RAPH1: variants seen among roughly 807,000 people sequenced by gnomAD.
RAPH1 encodes Ras association (RalGDS/AF-6) and pleckstrin homology domains 1, also known as ras-associated and pleckstrin homology domains-containing protein 1.
In RAPH1, 18 loss-of-function variants were observed where a neutral mutation model predicts 88.1. The ratio of observed to expected loss-of-function variants is 0.20; its 90% CI spans 0.14 to 0.30. The LOEUF (loss-of-function observed/expected upper bound fraction) is 0.30, where lower values mean the gene tolerates loss of function less well. Ranked by LOEUF, RAPH1 falls within the 10% of genes least tolerant of loss-of-function variation. RAPH1 has a pLI of 1.00. For synonymous variants in RAPH1, 587 were observed against 559.0 expected (o/e 1.05, Z -0.71); for missense variants, 1,448 against 1,543.2 (o/e 0.94, Z 1.03).
chr2:203,493,269 G>T (rs770073871), intron 2 of RAPH1, among the ~76,000 whole-genome samples: 4 of 152,144 alleles, frequency 2.6e-5, no homozygotes, highest in Non-Finnish European at 5.9e-5. Flanking sequence ...AAAGTACAAG[G>T]TATCAAACCA....
At chr2:203,491,919 G>A (rs1197448169) in intron 2 of RAPH1, among the ~76,000 whole-genome samples, 1 of 152,192 alleles carries the variant, frequency 6.6e-6, no homozygotes. Context: ...TATAAAATAA[G>A]TGAGGTAAGT....
intron 1 of RAPH1, among the ~76,000 whole-genome samples, chr2:203,524,883 A>C (rs1266916039): frequency 6.6e-6 from 1 of 152,218 alleles, no homozygotes; most frequent in African/African-American, 2.4e-5. Context: ...AGGCAATAAA[A>C]AATTTTTTAA....
chr2:203,467,626 C>T (rs1452634395), intron 4 of RAPH1, among the ~76,000 whole-genome samples: 4 of 151,826 alleles, frequency 2.6e-5, no homozygotes, highest in South Asian at 2.1e-4. Context: ...TTTAAAAATT[C>T]GCTATATACA....
At chr2:203,502,467 T>C (rs1206456178) in intron 1 of RAPH1, among the ~76,000 whole-genome samples, 2 of 152,152 alleles carry the variant, frequency 1.3e-5, no homozygotes, top group African/African-American at 4.8e-5. Flanking sequence ...CTAGAACTAT[T>C]TTAACAGTTG....
At chr2:203,468,405 A>T (rs1417234825) in intron 4 of RAPH1, among the ~76,000 whole-genome samples, 1 of 152,080 alleles carries the variant, frequency 6.6e-6, no homozygotes, top group Non-Finnish European at 1.5e-5. Flanking sequence ...ACTTATGTAC[A>T]TGGAACACTC....
At chr2:203,488,502 T>TC (rs1429305553) in intron 4 of RAPH1, among the ~76,000 whole-genome samples, 3 of 134,738 alleles carry the variant, frequency 2.2e-5, no homozygotes, top group Non-Finnish European at 4.6e-5. Context: ...GGCAGGAGAA[T>TC]CACTTAACCC....
chr2:203,455,424 A>C lies in RAPH1; in HGVS notation c.1302+13T>G. 1 of 1,606,632 alleles carries C rather than the reference A, an allele frequency of 6.2e-7. No individual in the cohort carries two copies. Among genetic ancestry groups the C allele is most frequent in the East Asian group, 2.2e-5 (1 of 44,764 alleles). ...ATAATGAGGAAGTTCAAATTCCAAC[A>C]GAAGGGACACACCTTTGCTTTTCCT... On this transcript the variant is annotated intron_variant, in intron 9 of 13. Transcript: ENST00000319170.
chr2:203,524,881 A>C (rs760314614), intron 1 of RAPH1, among the ~76,000 whole-genome samples: 6 of 152,206 alleles, frequency 3.9e-5, no homozygotes, highest in Non-Finnish European at 8.8e-5. Flanking sequence ...TAAGGCAATA[A>C]AAAATTTTTT....
chr2:203,473,981 T>G (rs1241734519), intron 4 of RAPH1, among the ~76,000 whole-genome samples: 1 of 152,180 alleles, frequency 6.6e-6, no homozygotes, highest in Non-Finnish European at 1.5e-5. Flanking sequence ...CAGAATGTAG[T>G]CTAAATAGGG....
rs765234362 is a variant in RAPH1 at position 203,461,829 on chromosome 2, G to T, written c.810+19C>A. 3.2e-6 allele frequency: 5 copies of T among 1,570,998 alleles called. No individual in the cohort carries two copies. The highest frequency in any genetic ancestry group is 1.4e-5 in the African/African-American group (1 of 72,976). On this transcript the variant is annotated intron_variant, in intron 5 of 13. Transcript: ENST00000319170. ...AACTGATAAAAAAATCCCAAACCAG[G>T]AAGAGGCCCACATATCACCTTTTTC...
intron 7 of RAPH1, 106 bp downstream of exon 7, chr2:203,459,801 G>A (rs2098522908): frequency 4.3e-6 from 5 of 1,157,628 alleles, no homozygotes; most frequent in South Asian, 1.4e-5. Flanking sequence ...CAGGTATATC[G>A]CTCCAACCAG....
intron 1 of RAPH1, among the ~76,000 whole-genome samples, chr2:203,506,927 C>T (rs1363642299): frequency 1.5e-5 from 2 of 130,812 alleles, no homozygotes; most frequent in Admixed American, 8.1e-5. Context: ...TGAACTTTCA[C>T]TCTGGGTTGC....
chr2:203,460,156 A>G (rs1290238365), intron 6 of RAPH1, 128 bp from the exon 7 acceptor site: 1 of 735,968 alleles, frequency 1.4e-6, no homozygotes, highest in Non-Finnish European at 2.2e-6. Context: ...CCTAAAAATT[A>G]TCTGGTATTC....
intron 7 of RAPH1, among the ~76,000 whole-genome samples, chr2:203,457,973 A>G (rs1278703466): frequency 6.6e-6 from 1 of 152,240 alleles, no homozygotes; most frequent in East Asian, 1.9e-4. Flanking sequence ...TCCTTAAAAT[A>G]TACTGATCTA....
intron 4 of RAPH1, among the ~76,000 whole-genome samples, chr2:203,478,441 C>T (rs1687569845): frequency 1.3e-5 from 2 of 152,080 alleles, no homozygotes; most frequent in African/African-American, 2.4e-5. Flanking sequence ...TCCCCTCCAT[C>T]CCTCCATACA....
At chr2:203,507,339 TA>T (rs1412801276) in intron 1 of RAPH1, among the ~76,000 whole-genome samples, 1 of 152,206 alleles carries the variant, frequency 6.6e-6, no homozygotes, top group Admixed American at 6.5e-5. Flanking sequence ...ATAAAGTATT[TA>T]TTTTAAAAGT....
intron 1 of RAPH1, among the ~76,000 whole-genome samples, chr2:203,506,783 G>GATATATCT (rs1689045431): frequency 5.2e-5 from 2 of 38,354 alleles, no homozygotes; most frequent in Non-Finnish European, 5.0e-5. Context: ...TATATATCTA[G>GATATATCT]ATATATATAT....
chr2:203,440,683 G>T lies in RAPH1; in HGVS notation c.2507C>A (p.Pro836His). The change falls in exon 14 of 14, where the codon CCC (proline) becomes CAC (histidine). Residue 836 changes from proline to histidine, a missense_variant. Pro to His is a moderately conservative substitution (Grantham distance 77). Transcript: ENST00000319170. Reference sequence around the variant, plus strand: ...CTGTTGCTTGGGTAATGTTGGCGGGGGTACTGGAACAGGAGGGGTAGGGGG... The same window carrying T: ...CTGTTGCTTGGGTAATGTTGGCGGGTGTACTGGAACAGGAGGGGTAGGGGG... The part of the protein sequence containing the change: ...PSPPTPPVPV[P>H]PPTLPKQQSF... 6.3e-7 allele frequency: 1 copy of T among 1,582,280 alleles called. No homozygotes were observed. The highest frequency in any genetic ancestry group is 8.6e-7 in the Non-Finnish European group (1 of 1,163,434).
At chr2:203,535,005 G>A (rs1206649119) in intron 1 of RAPH1, 106 bp downstream of exon 1, 1 of 152,268 alleles carries the variant, frequency 6.6e-6, no homozygotes, top group Admixed American at 6.5e-5. Context: ...CGGATGGCGG[G>A]GCCGGGCGCC....
Sources: allele counts gnomAD v4.1 joint callset (sites outside exome capture counted in the v4.1 genomes callset), GRCh38; gene constraint gnomAD v4.1.1; transcripts MANE v1.5; gene names NCBI Gene and HGNC (gene_info 2026-07-23, HGNC 2026-07-21).